RRM2: variants seen among roughly 807,000 people sequenced by gnomAD.
RRM2 encodes the protein ribonucleotide reductase regulatory subunit M2.
Under a neutral mutation model 45.9 loss-of-function variants are expected in RRM2, and 6 were observed. The observed-to-expected ratio is 0.13, with a 90% CI of 0.07 to 0.26. The LOEUF is 0.26. Among genes scored for constraint, RRM2 ranks in the 10% least tolerant of loss-of-function variants. The pLI is 1.00. For synonymous variants in RRM2, 177 were observed against 173.0 expected (o/e 1.02, Z -0.18); for missense variants, 343 against 489.5 (o/e 0.70, Z 2.82).
rs1479056353 is a variant in RRM2, at chr2:10,205,760, C to G, written n.483-4551C>G. On this transcript the variant is annotated intron_variant and non_coding_transcript_variant, in intron 3 of 3. Transcript: ENST00000381786. The surrounding 1 kb of genome is among the most constrained non-coding windows in gnomAD (Gnocchi z 4.8). Reference sequence around the variant, plus strand: ...AGGCTGGAGTGCAATGGTGCAATCTCCGCTCACTGCAACCTCTGCCTCCTG... The same window carrying G: ...AGGCTGGAGTGCAATGGTGCAATCTGCGCTCACTGCAACCTCTGCCTCCTG... Among the ~76,000 whole-genome samples, 1 of 151,976 alleles carries G rather than the reference C, an allele frequency of 6.6e-6. No homozygotes were observed. Among genetic ancestry groups the G allele is most frequent in the Non-Finnish European group, 1.5e-5 (1 of 67,972 alleles).
At chr2:10,167,152 C>T (rs975464159) in intron 3 of RRM2, among the ~76,000 whole-genome samples, 5 of 152,314 alleles carry the variant, frequency 3.3e-5, no homozygotes, top group South Asian at 4.1e-4. Flanking sequence ...CCCACCCCTG[C>T]GTGGCACCCT....
chr2:10,210,648 G>C (rs749460311), exon 4 of RRM2: 4 of 1,337,794 alleles, frequency 3.0e-6, no homozygotes, highest in Admixed American at 2.0e-5. Context: ...ATGCCGGAGT[G>C]GGGGAAATGG....
chr2:10,186,733 G>T (rs1188387106), intron 3 of RRM2, among the ~76,000 whole-genome samples: 3 of 152,228 alleles, frequency 2.0e-5, no homozygotes, highest in Non-Finnish European at 4.4e-5. Flanking sequence ...CATAGTAAGT[G>T]CTCAGCGAAC....
chr2:10,141,739 C>G (rs1193398326), intron 1 of RRM2: 20 of 1,459,856 alleles, frequency 1.4e-5, no homozygotes, highest in Non-Finnish European at 1.8e-5. Context: ...GGGTACTGTT[C>G]CAAGCACGGG....
At position 10,195,903 on chromosome 2, in the gene RRM2, C is replaced by A. The variant is rs910440263; in HGVS notation, n.483-14408C>A. On this transcript the variant is annotated intron_variant and non_coding_transcript_variant, in intron 3 of 3. Transcript: ENST00000381786. The surrounding 1 kb of genome is among the most constrained non-coding windows in gnomAD (Gnocchi z 4.9). ...AGACAGAGACTCACACGAGGAAATT[C>A]CTTTTGTTCCTACCCTCACTTCCAG... Among the ~76,000 whole-genome samples the A allele has an allele frequency of 2.8e-4, 43 of 152,166 alleles. No homozygotes were observed. Among genetic ancestry groups the A allele is most frequent in the Non-Finnish European group, 5.1e-4 (35 of 68,028 alleles).
At chr2:10,124,621 TATA>T in intron 4 of RRM2, 93 bp from the exon 5 acceptor site, 1 of 1,352,964 alleles carries the variant, frequency 7.4e-7, no homozygotes, top group South Asian at 1.2e-5. Flanking sequence ...AAATAAACCT[TATA>T]ATGGTACAAA....
intron 3 of RRM2, among the ~76,000 whole-genome samples, chr2:10,153,511 C>T (rs1424954169): frequency 2.0e-5 from 3 of 151,926 alleles, no homozygotes; most frequent in Admixed American, 6.6e-5. Flanking sequence ...AGAGAGAGGA[C>T]CCACCAGCTC....
chr2:10,208,886 G>A (rs1250544432), intron 3 of RRM2, among the ~76,000 whole-genome samples: 3 of 151,878 alleles, frequency 2.0e-5, no homozygotes, highest in Admixed American at 2.0e-4. Context: ...TCCAACAGAT[G>A]CCCCGTCCCT....
intron 3 of RRM2, among the ~76,000 whole-genome samples, chr2:10,181,058 C>T (rs1572521316): frequency 6.6e-6 from 1 of 152,208 alleles, no homozygotes; most frequent in African/African-American, 2.4e-5. Context: ...TGAGCCACCG[C>T]ACCCAGCCCC....
At chr2:10,202,488 A>G (rs909371406) in intron 3 of RRM2, among the ~76,000 whole-genome samples, 1 of 152,214 alleles carries the variant, frequency 6.6e-6, no homozygotes, top group Non-Finnish European at 1.5e-5. Flanking sequence ...GATTTCTCTC[A>G]GGGGCACTCT....
Position 10,126,920 on chromosome 2 carries a change from G to A in RRM2, c.615G>A (p.Lys205=). 1 of 1,614,144 alleles carries A rather than the reference G, an allele frequency of 6.2e-7. No homozygotes were observed. The highest frequency in any genetic ancestry group is 1.3e-5 in the African/African-American group (1 of 75,038). The change falls in exon 6 of 10, where the codon AAG becomes AAA. Residue 205 remains lysine (K), a synonymous_variant. Coordinates refer to ENST00000304567, the MANE Select transcript of RRM2 (RefSeq NM_001034.4). Reference sequence around the variant, plus strand: ...TTGAAACGATGCCTTGTGTCAAGAAGAAGGCAGACTGGGCCTTGCGCTGGA... The same window carrying A: ...TTGAAACGATGCCTTGTGTCAAGAAAAAGGCAGACTGGGCCTTGCGCTGGA... ...NAIETMPCVK[K]KADWALRWIG...
chr2:10,206,458 A>G (rs1266095874), intron 3 of RRM2, among the ~76,000 whole-genome samples: 1 of 152,222 alleles, frequency 6.6e-6, no homozygotes, highest in Non-Finnish European at 1.5e-5. Flanking sequence ...TAGCTTGGAT[A>G]CTACTCAGCA....
At chr2:10,196,636 G>T (rs1664421687) in intron 3 of RRM2, among the ~76,000 whole-genome samples, 4 of 150,908 alleles carry the variant, frequency 2.7e-5, no homozygotes, top group Non-Finnish European at 5.9e-5. Flanking sequence ...GGGCTCCGGG[G>T]ATGGACAGCC....
At position 10,172,065 on chromosome 2, in the gene RRM2, C is replaced by T. The variant is rs560540327; in HGVS notation, n.482+29690C>T. On this transcript the variant is annotated intron_variant and non_coding_transcript_variant, in intron 3 of 3. Coordinates refer to the RRM2 transcript ENST00000381786. This position sits in a 1 kb window ranked among gnomAD's most constrained non-coding sequence, Gnocchi z 4.9. Reference sequence around the variant, plus strand: ...GGAAGCACAGCTCCTTTGGGGTCTGCGTGCATTTGAGCATGAGTGCATTAA... The same window carrying T: ...GGAAGCACAGCTCCTTTGGGGTCTGTGTGCATTTGAGCATGAGTGCATTAA... 3.9e-5 allele frequency among the ~76,000 whole-genome samples: 6 copies of T among 152,290 alleles called. No homozygotes were observed. The highest frequency in any genetic ancestry group is 1.3e-4 in the Admixed American group (2 of 15,296).
Position 10,129,073 on chromosome 2 carries a change from C to G in RRM2, c.936C>G (p.Leu312=). Reference sequence around the variant, plus strand: ...TCACTGAGGCCTTGCCTGTGAAGCTCATTGGGATGAATTGCACTCTAATGA... The same window carrying G: ...TCACTGAGGCCTTGCCTGTGAAGCTGATTGGGATGAATTGCACTCTAATGA... ...EFLTEALPVK[L]IGMNCTLMKQ... Residue 312 remains leucine, a synonymous_variant, in exon 9 of 10, where the codon CTC becomes CTG. Coordinates refer to ENST00000304567, the MANE Select transcript of RRM2 (RefSeq NM_001034.4). This position sits in a 1 kb window ranked among gnomAD's most constrained non-coding sequence, Gnocchi z 4.8. 1.2e-6 allele frequency: 2 copies of G among 1,614,182 alleles called. No individual in the cohort carries two copies. The highest frequency in any genetic ancestry group is 2.2e-5 in the South Asian group (2 of 91,084).
chr2:10,175,958 C>T (rs12052471), intron 3 of RRM2, among the ~76,000 whole-genome samples: 39,880 of 152,082 alleles, frequency 0.26, 5,628 homozygotes, highest in South Asian at 0.45. Context: ...TGGATTCATA[C>T]AGTACTTGCC....
chr2:10,203,119 A>G (rs1211505884), intron 3 of RRM2, among the ~76,000 whole-genome samples: 2 of 152,252 alleles, frequency 1.3e-5, no homozygotes, highest in African/African-American at 4.8e-5. Context: ...GCCATCCATC[A>G]GCCAGGGCCA....
chr2:10,144,252 CGGCGTCTGA>C (rs1663144812), intron 3 of RRM2, among the ~76,000 whole-genome samples: 1 of 152,164 alleles, frequency 6.6e-6, no homozygotes, highest in Non-Finnish European at 1.5e-5. Context: ...CAGCAGGAGC[CGGCGTCTGA>C]GGCATCTCCT....
chr2:10,163,404 T>C (rs1663610376), intron 3 of RRM2, among the ~76,000 whole-genome samples: 1 of 151,994 alleles, frequency 6.6e-6, no homozygotes. Flanking sequence ...GGCACCAAGC[T>C]CCACATGTGG....
Sources: allele counts gnomAD v4.1 joint callset (sites outside exome capture counted in the v4.1 genomes callset), GRCh38; gene constraint gnomAD v4.1.1; non-coding constraint Gnocchi (gnomAD v3.1); transcripts MANE v1.5; gene names NCBI Gene and HGNC (gene_info 2026-07-23, HGNC 2026-07-21).